Variants in MAPK4 observed in about 807,000 individuals in gnomAD.
MAPK4 encodes mitogen-activated protein kinase 4.
MAPK4 carries 22 observed loss-of-function variants against 47.7 expected under a neutral mutation model. That is an observed-to-expected ratio of 0.46 (90% confidence interval 0.33 to 0.66). The LOEUF (loss-of-function observed/expected upper bound fraction) is 0.66. MAPK4 is among the 30% of genes least tolerant of loss of function. The probability of loss-of-function intolerance (pLI) is 0.02; values close to 1 mark genes in which losing one functional copy is unlikely to be tolerated. For synonymous variants in MAPK4, 390 were observed against 365.7 expected, an observed-to-expected ratio of 1.07 and a Z score of -0.76; for missense variants, 736 against 831.7, an observed-to-expected ratio of 0.88 and a Z score of 1.42.
intron 1 of MAPK4, among the ~76,000 whole-genome samples, chr18:50,639,179 G>A (rs1302538464): frequency 6.6e-6 from 1 of 152,238 alleles, no homozygotes; most frequent in East Asian, 1.9e-4. Context: ...GTGGGTGGAA[G>A]TGAGCAGCCT....
At chr18:50,715,365 G>A in intron 3 of MAPK4, 142 bp downstream of exon 3, 2 of 1,026,720 alleles carry the variant, frequency 1.9e-6, no homozygotes, top group East Asian at 2.7e-5. Context: ...ACTATTTGGA[G>A]GCACCTTATT....
intron 3 of MAPK4, among the ~76,000 whole-genome samples, chr18:50,720,614 T>C (rs16952473): frequency 0.016 from 2,363 of 152,028 alleles, 71 homozygotes; most frequent in African/African-American, 0.054. Flanking sequence ...GAAGGTTGTG[T>C]ATTACTAGTT....
At position 50,650,619 on chromosome 18, in the gene MAPK4, G is replaced by A. The variant is rs139971192; in HGVS notation, c.-870-12470G>A. Among the ~76,000 whole-genome samples the A allele has an allele frequency of 8.5e-5, 13 of 152,292 alleles. No individual in the cohort carries two copies. The East Asian group carries it at 2.5e-3, about 29-fold the overall frequency. ...CCCAGCAAACACTGGCTGGGCCCCA[G>A]TGGAGGCCAAGTGCTGTACTAGGCA... On this transcript the variant is annotated intron_variant, in intron 1 of 5. Transcript: ENST00000400384.
chr18:50,614,377 C>T (rs1353506581), intron 1 of MAPK4, among the ~76,000 whole-genome samples: 2 of 151,872 alleles, frequency 1.3e-5, no homozygotes, highest in Non-Finnish European at 2.9e-5. Flanking sequence ...AAATTTTAAA[C>T]AGTATTTAAA....
At chr18:50,716,959 C>T (rs991528553) in intron 3 of MAPK4, among the ~76,000 whole-genome samples, 3 of 152,138 alleles carry the variant, frequency 2.0e-5, no homozygotes, top group Admixed American at 2.0e-4. Flanking sequence ...ACCAGATGGC[C>T]CCTCTTCTTC....
intron 1 of MAPK4, among the ~76,000 whole-genome samples, chr18:50,624,421 G>A (rs1409495935): frequency 6.6e-6 from 1 of 152,022 alleles, no homozygotes; most frequent in African/African-American, 2.4e-5. Context: ...GGGCAGTGTA[G>A]TACTGTATAT....
At chr18:50,638,355 G>A (rs111829696) in intron 1 of MAPK4, among the ~76,000 whole-genome samples, 4 of 152,200 alleles carry the variant, frequency 2.6e-5, no homozygotes, top group East Asian at 1.9e-4. Context: ...ATCCAAGGAC[G>A]TGAGCTTGCC....
intron 1 of MAPK4, among the ~76,000 whole-genome samples, chr18:50,635,324 C>G (rs1408771800): frequency 6.6e-6 from 1 of 152,084 alleles, no homozygotes; most frequent in Non-Finnish European, 1.5e-5. Flanking sequence ...ACTTCAATGC[C>G]CCCTATCACC....
In MAPK4 at chr18:50,591,202, C is replaced by A. The variant is rs1220314345; in HGVS notation, c.-871+30959C>A. Among the ~76,000 whole-genome samples, 7 of 152,078 alleles carry A rather than the reference C, an allele frequency of 4.6e-5. No homozygotes were observed. The East Asian group carries it at 1.2e-3, about 25-fold the overall frequency. ...TTGTCTCTAACTTAGTAAATTATTTCTTCTTGTACATGTTTATTTTCTCTC... is the reference window on the plus strand; with the variant it reads ...TTGTCTCTAACTTAGTAAATTATTTATTCTTGTACATGTTTATTTTCTCTC... On this transcript the variant is annotated intron_variant, in intron 1 of 5. Transcript: ENST00000400384.
intron 2 of MAPK4, among the ~76,000 whole-genome samples, chr18:50,691,954 C>T (rs1008120581): frequency 2.0e-4 from 30 of 152,276 alleles, no homozygotes; most frequent in Admixed American, 2.0e-3. Context: ...TCTCCTTTCC[C>T]ATCCCCCCTC....
In MAPK4 at chr18:50,663,680, C is replaced by T; in HGVS notation, c.-279C>T. On this transcript the variant is annotated 5_prime_UTR_variant, in exon 2 of 6. Coordinates refer to ENST00000400384, the MANE Select transcript of MAPK4 (RefSeq NM_002747.4). Reference sequence around the variant, plus strand: ...TAAAAGAAATATGAGCCATTCTAAGCTTTAAGAAGGGTTCAGGAAACACAG... The same window carrying T: ...TAAAAGAAATATGAGCCATTCTAAGTTTTAAGAAGGGTTCAGGAAACACAG... The T allele has an allele frequency of 3.2e-6, 1 of 314,474 alleles. No individual in the cohort carries two copies. The highest frequency in any genetic ancestry group is 2.1e-5 in the African/African-American group (1 of 47,700). 19.5% of individuals were successfully genotyped at this position (314,474 alleles called of 1,614,324 possible).
chr18:50,653,499 G>C (rs1012387878), intron 1 of MAPK4, among the ~76,000 whole-genome samples: 1 of 152,228 alleles, frequency 6.6e-6, no homozygotes, highest in African/African-American at 2.4e-5. Flanking sequence ...GGATGCTCAA[G>C]AGTGCTCTGT....
intron 1 of MAPK4, among the ~76,000 whole-genome samples, chr18:50,611,353 C>T (rs923488961): frequency 2.0e-5 from 3 of 152,204 alleles, no homozygotes; most frequent in Non-Finnish European, 4.4e-5. Context: ...ATCTTCTTCC[C>T]GTCATGAGCC....
chr18:50,713,064 T>C (rs1190527546), intron 2 of MAPK4, among the ~76,000 whole-genome samples: 2 of 152,286 alleles, frequency 1.3e-5, no homozygotes, highest in East Asian at 1.9e-4. Context: ...ATTCCATTTA[T>C]ACAGAAGGTA....
In MAPK4 at chr18:50,678,010, C is replaced by T. The variant is rs769607303; in HGVS notation, c.546+13506C>T. Among the ~76,000 whole-genome samples the T allele has an allele frequency of 9.9e-5, 15 of 152,172 alleles. No homozygotes were observed. Among genetic ancestry groups the T allele is most frequent in the Non-Finnish European group, 1.6e-4 (11 of 68,024 alleles). ...TCCTCATAGGTAGAGTGGGCAGGTA[C>T]TAACTAGTGCCATGTGAGCCTAAGC... On this transcript the variant is annotated intron_variant, in intron 2 of 5. Transcript: ENST00000400384. This position sits in a 1 kb window ranked among gnomAD's most constrained non-coding sequence, Gnocchi z 4.2.
intron 2 of MAPK4, chr18:50,670,212 C>T (rs561552410): frequency 2.6e-5 from 4 of 151,644 alleles, no homozygotes; most frequent in Admixed American, 1.3e-4. Context: ...CCACATGGCG[C>T]TTGTCTTTCA....
At chr18:50,642,802 C>A (rs1163718718) in intron 1 of MAPK4, among the ~76,000 whole-genome samples, 1 of 152,184 alleles carries the variant, frequency 6.6e-6, no homozygotes, top group African/African-American at 2.4e-5. Flanking sequence ...ACCAAAGAGG[C>A]AAGTGTTGGC....
chr18:50,603,570 A>G (rs1319358833), intron 1 of MAPK4, among the ~76,000 whole-genome samples: 1 of 152,100 alleles, frequency 6.6e-6, no homozygotes, highest in Non-Finnish European at 1.5e-5. Context: ...CACTAGCCCA[A>G]TGTCATCAGT....
chr18:50,695,459 T>A (rs62092199), intron 2 of MAPK4, among the ~76,000 whole-genome samples: 4,760 of 152,224 alleles, frequency 0.031, 106 homozygotes, highest in South Asian at 0.058. Flanking sequence ...ACACTTTCCT[T>A]TCCATTCCTA....
Sources: gnomAD v4.1 joint callset for allele counts (sites outside exome capture counted in the v4.1 genomes callset) on GRCh38, gnomAD v4.1.1 for gene constraint, Gnocchi (gnomAD v3.1) non-coding constraint, MANE v1.5 for transcripts, NCBI Gene and HGNC (gene_info 2026-07-23, HGNC 2026-07-21) for gene names.